SLCO5A1: variants seen among roughly 807,000 people sequenced by gnomAD.
SLCO5A1 encodes the protein solute carrier organic anion transporter family member 5A1, also known as organic anion transporter polypeptide-related protein 4.
A neutral mutation model predicts 65.1 loss-of-function variants in SLCO5A1; 39 were observed. That is an observed-to-expected ratio of 0.60 (90% CI 0.46 to 0.78). The LOEUF (loss-of-function observed/expected upper bound fraction) is 0.78. Among genes scored for constraint, SLCO5A1 ranks in the 30% least tolerant of loss-of-function variants. The pLI is 0.00. For synonymous variants in SLCO5A1, 438 were observed against 415.7 expected (o/e 1.05, Z -0.65); for missense variants, 1,029 against 1,069.4 (o/e 0.96, Z 0.53).
intron 3 of SLCO5A1, chr8:69,761,277 A>C (rs1817761106): frequency 1.2e-5 from 2 of 167,688 alleles, no homozygotes; most frequent in African/African-American, 4.8e-5. Flanking sequence ...GGAGGTCAGA[A>C]GTGTAAAATG....
intron 5 of SLCO5A1, chr8:69,713,928 G>A (rs1341975639): frequency 6.6e-6 from 1 of 152,084 alleles, no homozygotes; most frequent in Admixed American, 6.5e-5. Flanking sequence ...ATTTTCTCTT[G>A]CAAACATTTT....
chr8:69,714,446 AG>A (rs1366277220), intron 5 of SLCO5A1, among the ~76,000 whole-genome samples: 1 of 152,196 alleles, frequency 6.6e-6, no homozygotes, highest in Non-Finnish European at 1.5e-5. Flanking sequence ...AAGTTCTTTT[AG>A]GAGTTCTCTT....
intron 2 of SLCO5A1, among the ~76,000 whole-genome samples, chr8:69,817,733 C>A (rs1178495040): frequency 6.6e-6 from 1 of 152,124 alleles, no homozygotes; most frequent in Non-Finnish European, 1.5e-5. Flanking sequence ...CCCCCTTCTC[C>A]GTATGATCAA....
chr8:69,713,043 T>C (rs915413988), intron 5 of SLCO5A1, among the ~76,000 whole-genome samples: 5 of 152,228 alleles, frequency 3.3e-5, no homozygotes, highest in Non-Finnish European at 7.3e-5. Context: ...AGATTCTGAA[T>C]TGAACATTAT....
intron 2 of SLCO5A1, among the ~76,000 whole-genome samples, chr8:69,825,193 A>C (rs1820819884): frequency 6.6e-6 from 1 of 152,192 alleles, no homozygotes; most frequent in Admixed American, 6.5e-5. Flanking sequence ...CAAAAACTGG[A>C]AGCATTCCCT....
At chr8:69,721,506 G>T (rs980642949) in intron 5 of SLCO5A1, among the ~76,000 whole-genome samples, 2 of 152,164 alleles carry the variant, frequency 1.3e-5, no homozygotes, top group Non-Finnish European at 2.9e-5. Flanking sequence ...GGCCTAGACT[G>T]TTATCTGATT....
intron 6 of SLCO5A1, among the ~76,000 whole-genome samples, chr8:69,685,039 A>T (rs1184956753): frequency 6.6e-6 from 1 of 152,214 alleles, no homozygotes; most frequent in East Asian, 1.9e-4. Context: ...TTCTTATGAG[A>T]TCATGGTGTC....
In SLCO5A1 at chr8:69,833,037, G is replaced by T. The variant is rs986717426; in HGVS notation, c.-364C>A. Reference sequence around the variant, plus strand: ...GCCGCCGCTGGGCCCGCGGCCAGGAGCGAGTGCACCCTGCGCCGGGGGTGG... The same window carrying T: ...GCCGCCGCTGGGCCCGCGGCCAGGATCGAGTGCACCCTGCGCCGGGGGTGG... On this transcript the variant is annotated 5_prime_UTR_variant, in exon 2 of 10. Transcript: ENST00000260126. The T allele has an allele frequency of 6.9e-6, 2 of 288,052 alleles. No individual in the cohort carries two copies. The highest frequency in any genetic ancestry group is 2.3e-5 in the African/African-American group (1 of 44,012). 17.8% of individuals were successfully genotyped at this position (288,052 alleles called of 1,614,324 possible).
chr8:69,711,559 G>T (rs561510960), intron 5 of SLCO5A1, among the ~76,000 whole-genome samples: 1 of 152,222 alleles, frequency 6.6e-6, no homozygotes, highest in Non-Finnish European at 1.5e-5. Context: ...CCCGAGGCCC[G>T]AGGTGCCAGC....
At chr8:69,782,516 G>A (rs1043776948) in intron 2 of SLCO5A1, among the ~76,000 whole-genome samples, 32 of 150,154 alleles carry the variant, frequency 2.1e-4, no homozygotes, top group African/African-American at 7.8e-4. Context: ...GGAGGTCAAG[G>A]CTGCAGTGAG....
chr8:69,777,303 A>G (rs1404793401), intron 2 of SLCO5A1, among the ~76,000 whole-genome samples: 2 of 152,236 alleles, frequency 1.3e-5, no homozygotes, highest in Non-Finnish European at 2.9e-5. Flanking sequence ...GACATAAAAG[A>G]GTACACACTG....
intron 2 of SLCO5A1, among the ~76,000 whole-genome samples, chr8:69,803,051 G>T (rs953992211): frequency 3.3e-5 from 5 of 152,178 alleles, no homozygotes; most frequent in African/African-American, 4.8e-5. Context: ...ATTATTGGCT[G>T]GGCGCAGTGT....
At chr8:69,795,944 AC>A (rs1819474040) in intron 2 of SLCO5A1, among the ~76,000 whole-genome samples, 1 of 152,144 alleles carries the variant, frequency 6.6e-6, no homozygotes, top group Non-Finnish European at 1.5e-5. Flanking sequence ...TACAGCTTAC[AC>A]CCTCTGAAGC....
At chr8:69,790,191 CAAA>C (rs374635955) in intron 2 of SLCO5A1, among the ~76,000 whole-genome samples, 1 of 53,726 alleles carries the variant, frequency 1.9e-5, no homozygotes, top group Non-Finnish European at 4.2e-5. Flanking sequence ...GACTCCTTCT[CAAA>C]AAAAAAAAAA....
chr8:69,710,538 C>T (rs1815192214), intron 5 of SLCO5A1, among the ~76,000 whole-genome samples: 2 of 152,080 alleles, frequency 1.3e-5, no homozygotes, highest in Admixed American at 1.3e-4. Flanking sequence ...AAGTACCCTC[C>T]TCACCAAGAA....
intron 2 of SLCO5A1, among the ~76,000 whole-genome samples, chr8:69,784,613 C>T (rs978190238): frequency 4.6e-5 from 7 of 151,742 alleles, no homozygotes; most frequent in African/African-American, 1.5e-4. Flanking sequence ...CATGGTGAAA[C>T]CCCATCTCTA....
intron 6 of SLCO5A1, among the ~76,000 whole-genome samples, chr8:69,685,520 G>C (rs987614192): frequency 6.6e-6 from 1 of 152,200 alleles, no homozygotes; most frequent in Non-Finnish European, 1.5e-5. Context: ...TAAGAGAATC[G>C]TGTTAACTCA....
chr8:69,793,427 T>A (rs1466238189), intron 2 of SLCO5A1, among the ~76,000 whole-genome samples: 3 of 149,834 alleles, frequency 2.0e-5, no homozygotes, highest in East Asian at 3.9e-4. Flanking sequence ...CTTTCACACA[T>A]GTTTATCCTT....
At chr8:69,695,699 A>G (rs999324188) in intron 6 of SLCO5A1, among the ~76,000 whole-genome samples, 15 of 152,132 alleles carry the variant, frequency 9.9e-5, no homozygotes, top group Non-Finnish European at 1.6e-4. Flanking sequence ...TATATGAGAA[A>G]CCCAAGACTC....
Sources: allele counts gnomAD v4.1 joint callset (sites outside exome capture counted in the v4.1 genomes callset), GRCh38; gene constraint gnomAD v4.1.1; transcripts MANE v1.5; gene names NCBI Gene and HGNC (gene_info 2026-07-23, HGNC 2026-07-21).